Variants in RANBP3L observed in about 807,000 individuals in gnomAD.
RANBP3L encodes RAN binding protein 3 like, also known as ran-binding protein 3-like.
In RANBP3L, 56 loss-of-function variants were observed where a neutral mutation model predicts 67.2. The ratio of observed to expected loss-of-function variants is 0.83; its 90% confidence interval spans 0.67 to 1.04. The LOEUF is 1.04. Among genes scored for constraint, RANBP3L ranks in the 50% least tolerant of loss-of-function variants. RANBP3L has a pLI of 0.00. For synonymous variants in RANBP3L, 164 were observed against 181.4 expected (o/e 0.90, Z 0.77); for missense variants, 496 against 535.5 (o/e 0.93, Z 0.73).
chr5:36,297,880 T>G (rs1057421347), intron 1 of RANBP3L, among the ~76,000 whole-genome samples: 5 of 152,192 alleles, frequency 3.3e-5, no homozygotes, highest in Non-Finnish European at 2.9e-5. Context: ...CACCTTGTTG[T>G]TGCCCAGATA....
chr5:36,280,803 C>T (rs1403807231), intron 1 of RANBP3L, among the ~76,000 whole-genome samples: 1 of 152,046 alleles, frequency 6.6e-6, no homozygotes, highest in African/African-American at 2.4e-5. Context: ...AGTGTCAGGA[C>T]ATTACTCTTT....
intron 1 of RANBP3L, among the ~76,000 whole-genome samples, chr5:36,291,647 G>T (rs1235391080): frequency 1.3e-5 from 2 of 151,410 alleles, no homozygotes; most frequent in Non-Finnish European, 2.9e-5. Flanking sequence ...AGAATATGTG[G>T]TGTTTGGTTT....
At chr5:36,293,391 A>G (rs1579788481) in intron 1 of RANBP3L, among the ~76,000 whole-genome samples, 1 of 142,298 alleles carries the variant, frequency 7.0e-6, no homozygotes, top group East Asian at 2.0e-4. Flanking sequence ...AATACCCTTT[A>G]TTTCCTTCTC....
intron 1 of RANBP3L, among the ~76,000 whole-genome samples, chr5:36,274,065 T>A (rs1182640566): frequency 6.6e-6 from 1 of 152,212 alleles, no homozygotes; most frequent in Non-Finnish European, 1.5e-5. Context: ...CTTTCCTTTT[T>A]CTGTTTCCTT....
intron 10 of RANBP3L, among the ~76,000 whole-genome samples, chr5:36,256,469 T>C (rs1748983235): frequency 6.6e-6 from 1 of 152,124 alleles, no homozygotes; most frequent in African/African-American, 2.4e-5. Context: ...CCTGTGATAC[T>C]GTAGTGTGTA....
chr5:36,293,348 C>G (rs1158206965), intron 1 of RANBP3L, among the ~76,000 whole-genome samples: 1 of 65,866 alleles, frequency 1.5e-5, no homozygotes, highest in African/African-American at 5.7e-5. Context: ...CATCTGCAAA[C>G]AGGGACAATT....
At chr5:36,265,301 A>G (rs1749682164) in intron 5 of RANBP3L, 148 bp downstream of exon 5, 1 of 670,534 alleles carries the variant, frequency 1.5e-6, no homozygotes, top group Non-Finnish European at 2.5e-6. Context: ...CATTTTGATC[A>G]TGAAACCTGG....
At chr5:36,299,676 T>G (rs940354472) in intron 1 of RANBP3L, among the ~76,000 whole-genome samples, 1 of 152,066 alleles carries the variant, frequency 6.6e-6, no homozygotes, top group African/African-American at 2.4e-5. Flanking sequence ...TTAGGTGCAG[T>G]CCAGTGTTAA....
At chr5:36,274,438 G>A (rs1750433995) in intron 1 of RANBP3L, among the ~76,000 whole-genome samples, 1 of 152,062 alleles carries the variant, frequency 6.6e-6, no homozygotes, top group South Asian at 2.1e-4. Flanking sequence ...TGTAGGATGA[G>A]TAGAGGTTAG....
chr5:36,267,517 A>AG lies in RANBP3L; in HGVS notation c.268+1872_268+1873insC, dbSNP rs1441036435. ...AGCCAGACTCCGTCTCAAAAAAAAAAAAAAGAAAGAAAGAAAGAAAAAACT... is the reference window on the plus strand; with the variant it reads ...AGCCAGACTCCGTCTCAAAAAAAAAAGAAAAGAAAGAAAGAAAGAAAAAACT... On this transcript the variant is annotated intron_variant, in intron 4 of 13. Transcript: ENST00000296604. Among the ~76,000 whole-genome samples the AG allele has an allele frequency of 7.7e-3, 1,169 of 151,888 alleles. 3 individuals carry two copies. Among genetic ancestry groups the AG allele is most frequent in the African/African-American group, 0.015 (607 of 41,310 alleles).
At position 36,251,473 on chromosome 5, in the gene RANBP3L, C is replaced by A. The variant is rs1252318815; in HGVS notation, c.1194G>T (p.Leu398Phe). 1 of 1,611,844 alleles carries A rather than the reference C, an allele frequency of 6.2e-7. No individual in the cohort carries two copies. The highest frequency in any genetic ancestry group is 1.3e-5 in the African/African-American group (1 of 74,952). The change falls in exon 13 of 14, where the codon TTG becomes TTT. Residue 398 changes from leucine to phenylalanine, a missense_variant. Leu to Phe is a conservative substitution (Grantham distance 22). Coordinates refer to ENST00000296604, the MANE Select transcript of RANBP3L (RefSeq NM_145000.5). ...CAAGACGATGATGTATTGCTGCATA[C>A]AAATATGCTGTATCTTGGGCACTGG... is the stretch of plus-strand genomic sequence containing the variant. ...IQASAQDTAY[L>F]YAAIHHRLVA...
At chr5:36,263,435 T>C (rs1194929998) in intron 6 of RANBP3L, among the ~76,000 whole-genome samples, 1 of 152,216 alleles carries the variant, frequency 6.6e-6, no homozygotes, top group African/African-American at 2.4e-5. Context: ...TAACATGTAA[T>C]TAAAATCTTG....
chr5:36,301,239 G>A (rs758905021), intron 1 of RANBP3L, 87 bp downstream of exon 1: 20 of 940,570 alleles, frequency 2.1e-5, no homozygotes, highest in Admixed American at 6.9e-5. Context: ...GAGCTTCCCC[G>A]GGTCCTTCAC....
At chr5:36,293,782 A>G (rs1188739931) in intron 1 of RANBP3L, among the ~76,000 whole-genome samples, 20 of 149,150 alleles carry the variant, frequency 1.3e-4, no homozygotes, top group African/African-American at 4.7e-4. Context: ...GCTTTTTGAT[A>G]TGCTGCTGGA....
At chr5:36,263,920 T>A (rs375580638) in intron 6 of RANBP3L, among the ~76,000 whole-genome samples, 1 of 152,228 alleles carries the variant, frequency 6.6e-6, no homozygotes, top group African/African-American at 2.4e-5. Flanking sequence ...TTATCTAAAA[T>A]TGAAGACATG....
In RANBP3L at chr5:36,247,870, A is replaced by G. The variant is rs547889571; in HGVS notation, c.*1784T>C. ...GCCACTGCACTCCAACCTGGGTGAC[A>G]GAGCGAGACTCTGTCTAAAAAACAA... On this transcript the variant is annotated 3_prime_UTR_variant, in exon 14 of 14. Coordinates refer to ENST00000296604, the MANE Select transcript of RANBP3L (RefSeq NM_145000.5). Among the ~76,000 whole-genome samples the G allele has an allele frequency of 7.2e-5, 11 of 152,354 alleles. No individual in the cohort carries two copies. Among genetic ancestry groups the G allele is most frequent in the African/African-American group, 2.6e-4 (11 of 41,580 alleles).
At chr5:36,268,617 A>G (rs1287373870) in intron 4 of RANBP3L, among the ~76,000 whole-genome samples, 3 of 152,206 alleles carry the variant, frequency 2.0e-5, no homozygotes, top group Non-Finnish European at 2.9e-5. Flanking sequence ...TTCAGCATAG[A>G]AGACAAGCAA....
In RANBP3L at chr5:36,252,215, C is replaced by T. The variant is rs574523221; in HGVS notation, c.1168-716G>A. 4.0e-3 allele frequency among the ~76,000 whole-genome samples: 607 copies of T among 152,064 alleles called. 1 individual carries two copies. The highest frequency in any genetic ancestry group is 7.2e-3 in the Non-Finnish European group (490 of 67,938). ...ATTATGGCTCAGAAGGGTAAAATGA[C>T]TTGTCTGAGTTGCCAGTCAGCAAAT... On this transcript the variant is annotated intron_variant, in intron 12 of 13. Transcript: ENST00000296604.
chr5:36,255,862 C>T (rs1748940121), intron 10 of RANBP3L, among the ~76,000 whole-genome samples: 1 of 152,032 alleles, frequency 6.6e-6, no homozygotes, highest in South Asian at 2.1e-4. Flanking sequence ...AACAAGTAAC[C>T]ACTGGTGTAA....
Sources: allele counts gnomAD v4.1 joint callset (sites outside exome capture counted in the v4.1 genomes callset), GRCh38; gene constraint gnomAD v4.1.1; transcripts MANE v1.5; gene names NCBI Gene and HGNC (gene_info 2026-07-23, HGNC 2026-07-21).